MCM9: variants seen among roughly 807,000 people sequenced by gnomAD.
MCM9 encodes the protein minichromosome maintenance 9 homologous recombination repair factor.
Under a neutral mutation model 72.8 loss-of-function variants are expected in MCM9, and 55 were observed. The ratio of observed to expected loss-of-function variants is 0.76; its 90% CI spans 0.61 to 0.95. The LOEUF (loss-of-function observed/expected upper bound fraction) is 0.95. Among genes scored for constraint, MCM9 ranks in the 40% least tolerant of loss-of-function variants. The pLI is 0.00. For missense variants in MCM9, 1,279 were observed against 1,377.0 expected (o/e 0.93, Z 1.13); for synonymous variants, 480 against 503.4 (o/e 0.95, Z 0.62).
At chr6:118,861,134 G>A (rs897467966) in intron 8 of MCM9, among the ~76,000 whole-genome samples, 6 of 152,142 alleles carry the variant, frequency 3.9e-5, no homozygotes, top group African/African-American at 7.2e-5. Context: ...GTGGTGGAGC[G>A]GGCAGCTCCA....
At chr6:118,921,792 T>C (rs1200458894) in intron 5 of MCM9, 2 of 410,514 alleles carry the variant, frequency 4.9e-6, no homozygotes, top group East Asian at 4.1e-5. Flanking sequence ...TCTTCATTCA[T>C]AAAACAAGCA....
At chr6:118,894,076 T>TA (rs760464761) in intron 8 of MCM9, 3 of 1,096,608 alleles carry the variant, frequency 2.7e-6, no homozygotes, top group Non-Finnish European at 3.3e-6. Flanking sequence ...GAGCCGCAGT[T>TA]AAAGTTTCCG....
At chr6:118,915,101 G>C (rs1438815633) in intron 6 of MCM9, among the ~76,000 whole-genome samples, 2 of 152,136 alleles carry the variant, frequency 1.3e-5, no homozygotes, top group African/African-American at 4.8e-5. Context: ...CTCACACTGT[G>C]GTCAACACAA....
chr6:118,826,312 C>T lies in MCM9; in HGVS notation c.1816-20G>A. ...ACCTCCCTGAAGGGGTGAGAAAATA[C>T]CAGGAGAGTCACCAGGCCAGCCTGC... On this transcript the variant is annotated intron_variant, in intron 12 of 13. Coordinates refer to ENST00000619706, the MANE Select transcript of MCM9 (RefSeq NM_017696.3). 6.5e-7 allele frequency: 1 copy of T among 1,544,482 alleles called. No individual in the cohort carries two copies. The highest frequency in any genetic ancestry group is 1.7e-4 in the Middle Eastern group (1 of 5,756).
chr6:118,923,760 G>T, intron 4 of MCM9, 51 bp downstream of exon 4: 1 of 1,513,668 alleles, frequency 6.6e-7, no homozygotes, highest in Non-Finnish European at 9.1e-7. Flanking sequence ...TGTGCCCATA[G>T]CTGAAAAACA....
chr6:118,881,953 C>T (rs1002320407), intron 8 of MCM9, among the ~76,000 whole-genome samples: 13 of 152,148 alleles, frequency 8.5e-5, no homozygotes, highest in Admixed American at 7.2e-4. Flanking sequence ...CCTATGAGCT[C>T]TTAATCAAGG....
intron 8 of MCM9, among the ~76,000 whole-genome samples, chr6:118,888,303 C>A (rs889911658): frequency 6.6e-6 from 1 of 152,030 alleles, no homozygotes; most frequent in East Asian, 1.9e-4. Context: ...TGGCTAACAC[C>A]GTAAAACCCC....
chr6:118,842,973 T>A (rs1199251454), intron 9 of MCM9, among the ~76,000 whole-genome samples: 1 of 152,228 alleles, frequency 6.6e-6, no homozygotes, highest in Admixed American at 6.5e-5. Context: ...AACAAAATTA[T>A]TGGTCTTCAC....
At position 118,858,277 on chromosome 6, in the gene MCM9, T is replaced by C. The variant is rs566894251; in HGVS notation, c.1151-1732A>G. On this transcript the variant is annotated intron_variant, in intron 8 of 13. Transcript: ENST00000619706. ...AAGAAAGAGCATACAATTGCTTCAA[T>C]AGATACAGAAAATACATTTCACAAA... 4.6e-5 allele frequency among the ~76,000 whole-genome samples: 7 copies of C among 152,258 alleles called. No homozygotes were observed. The East Asian group carries it at 5.8e-4, about 13-fold the overall frequency.
chr6:118,829,183 G>T lies in MCM9; in HGVS notation c.1393C>A (p.Pro465Thr), dbSNP rs1427945113. 6.4e-7 allele frequency: 1 copy of T among 1,550,626 alleles called. No homozygotes were observed. Among genetic ancestry groups the T allele is most frequent in the Admixed American group, 2.0e-5 (1 of 50,984 alleles). The change falls in exon 10 of 14, where the codon CCC becomes ACC. Residue 465 changes from proline (P) to threonine (T), a missense_variant. Physicochemically the swap from Pro to Thr is conservative, Grantham distance 38 (BLOSUM62 -1). Transcript: ENST00000619706. ...ATGTTCACAGACACGGACTCCTGGG[G>T]GTCGTACTGGCCTTTGGGGTTCGTT... Reference protein sequence around the residue: ...AATNPKGQYDPQESVSVNIAL... With the variant: ...AATNPKGQYDTQESVSVNIAL...
chr6:118,815,136 C>T lies in MCM9; in HGVS notation c.3120G>A (p.Glu1040=), dbSNP rs1773327118. ...TGCCGCTTTTATTACTGCCTGAAAC[C>T]TCTTCCTTTTTGTCTCCCTCACAAG... ...HLTCEGDKKE[E]VSGSNKSGKV... Residue 1040 remains glutamate, a synonymous_variant, in exon 14 of 14, where the codon GAG becomes GAA. Transcript: ENST00000619706. The T allele has an allele frequency of 6.4e-7, 1 of 1,550,532 alleles. No homozygotes were observed. The highest frequency in any genetic ancestry group is 1.4e-5 in the African/African-American group (1 of 73,010).
At chr6:118,836,777 C>T (rs144781668) in intron 9 of MCM9, among the ~76,000 whole-genome samples, 255 of 152,170 alleles carry the variant, frequency 1.7e-3, no homozygotes, top group Non-Finnish European at 2.9e-3. Context: ...TTTTATTCAT[C>T]TTTTCAAAAA....
intron 8 of MCM9, among the ~76,000 whole-genome samples, chr6:118,902,687 G>C (rs1370540774): frequency 6.6e-6 from 1 of 152,114 alleles, no homozygotes; most frequent in African/African-American, 2.4e-5. Context: ...AGTATTTCCT[G>C]CTGGTGATCT....
At chr6:118,839,068 C>T (rs1357942150) in intron 9 of MCM9, among the ~76,000 whole-genome samples, 6 of 152,062 alleles carry the variant, frequency 3.9e-5, no homozygotes, top group Non-Finnish European at 5.9e-5. Flanking sequence ...ACCAATCAAT[C>T]GTAGGTTTGG....
Position 118,814,403 on chromosome 6 carries a change from A to C in MCM9, c.*421T>G, listed in dbSNP as rs1024086022. On this transcript the variant is annotated 3_prime_UTR_variant, in exon 14 of 14. Transcript: ENST00000619706. ...CAGGTGAAAATACAAAAAAAAAAAA[A>C]AAAAGTAGAAAAGAGTTCATCTGCC... The C allele has an allele frequency of 1.5e-4, 24 of 154,930 alleles. No homozygotes were observed. Among genetic ancestry groups the C allele is most frequent in the African/African-American group, 5.5e-4 (23 of 41,674 alleles). The allele number at this position is 154,930 out of a possible 1,614,324, so 9.6% of individuals were successfully genotyped here. A position where few individuals can be genotyped will look rare whatever the true frequency, so the allele number is the denominator to read the frequency against.
At chr6:118,861,575 G>C (rs141145417) in intron 8 of MCM9, among the ~76,000 whole-genome samples, 1 of 152,182 alleles carries the variant, frequency 6.6e-6, no homozygotes, top group Non-Finnish European at 1.5e-5. Flanking sequence ...GCTGCTTTCC[G>C]CAGGCAGGTT....
intron 6 of MCM9, among the ~76,000 whole-genome samples, chr6:118,914,093 C>A (rs943570031): frequency 7.2e-5 from 11 of 152,168 alleles, no homozygotes; most frequent in Admixed American, 5.9e-4. Context: ...CCCTCCAAGT[C>A]AATTCAGCAT....
chr6:118,861,800 C>A (rs534207332), intron 8 of MCM9, among the ~76,000 whole-genome samples: 12 of 152,230 alleles, frequency 7.9e-5, no homozygotes, highest in African/African-American at 2.9e-4. Context: ...CCAGAACCGG[C>A]AGCCTAGCCC....
At chr6:118,844,002 T>C (rs1247957534) in intron 9 of MCM9, among the ~76,000 whole-genome samples, 4 of 150,876 alleles carry the variant, frequency 2.7e-5, no homozygotes, top group African/African-American at 7.4e-5. Flanking sequence ...ATCTAGATGA[T>C]GATGACTCAG....
Sources: allele counts gnomAD v4.1 joint callset (sites outside exome capture counted in the v4.1 genomes callset), GRCh38; gene constraint gnomAD v4.1.1; transcripts MANE v1.5; gene names NCBI Gene and HGNC (gene_info 2026-07-23, HGNC 2026-07-21).